Variants in NSD1 observed in about 807,000 individuals in gnomAD.
NSD1 encodes histone-lysine N-methyltransferase, H3 lysine-36 specific.
NSD1 carries 26 observed loss-of-function variants against 242.7 expected under a neutral mutation model. That is an observed-to-expected ratio of 0.11 (90% confidence interval 0.08 to 0.15). NSD1 has a LOEUF of 0.15. Ranked by LOEUF, NSD1 falls within the 10% of genes least tolerant of loss-of-function variation. The probability of loss-of-function intolerance (pLI) is 1.00; values close to 1 mark genes in which losing one functional copy is unlikely to be tolerated. For synonymous variants in NSD1, 1,106 were observed against 1,178.1 expected (o/e 0.94, Z 1.25); for missense variants, 2,495 against 3,272.8 (o/e 0.76, Z 5.80).
chr5:177,262,617 G>A (rs920336326), intron 14 of NSD1, among the ~76,000 whole-genome samples: 1 of 152,224 alleles, frequency 6.6e-6, no homozygotes, highest in Non-Finnish European at 1.5e-5. Context: ...CATGGCTCAT[G>A]CCTCTAATCC....
chr5:177,146,157 T>C (rs1757223032), intron 2 of NSD1, among the ~76,000 whole-genome samples: 1 of 151,006 alleles, frequency 6.6e-6, no homozygotes, highest in Non-Finnish European at 1.5e-5. Flanking sequence ...GCAAAAAATA[T>C]CTAATACCAC....
rs35871946 is a variant in NSD1 at position 177,165,910 on chromosome 5, C to CTT, written c.928-25958_928-25957dup. On this transcript the variant is annotated intron_variant, in intron 2 of 22. Transcript: ENST00000439151. The stretch of plus-strand genomic sequence containing the variant: ...ATGATCGCTGCTCCCAGCCCACAAT[C>CTT]TTTTTTTTTTTTTTTTTGAGATGGA... Among the ~76,000 whole-genome samples, 728 of 134,050 alleles carry CTT rather than the reference C, an allele frequency of 5.4e-3. 13 individuals are homozygous for CTT. Among genetic ancestry groups the CTT allele is most frequent in the African/African-American group, 0.017 (595 of 35,030 alleles). 87.9% of individuals were successfully genotyped at this position (134,050 alleles called of 152,430 possible).
rs1364367665 is a variant in NSD1, at chr5:177,297,388, A to G, written c.*1929A>G. 1 of 229,528 alleles carries G rather than the reference A, an allele frequency of 4.4e-6. No individual in the cohort carries two copies. The highest frequency in any genetic ancestry group is 8.6e-6 in the Non-Finnish European group (1 of 115,882). The allele number at this position is 229,528 out of a possible 1,614,324, so 14.2% of individuals were successfully genotyped here. A position where few individuals can be genotyped will look rare whatever the true frequency, so the allele number is the denominator to read the frequency against. ...AACCATGAAAAAGATATTTTTAAAG[A>G]AATTCACCGAGAACATTAAAGTTCA... On this transcript the variant is annotated 3_prime_UTR_variant, in exon 23 of 23. Transcript: ENST00000439151.
chr5:177,198,288 C>T (rs1240064130), intron 3 of NSD1, among the ~76,000 whole-genome samples: 3 of 152,106 alleles, frequency 2.0e-5, no homozygotes, highest in Non-Finnish European at 4.4e-5. Flanking sequence ...GGCCTCCCAA[C>T]GTGCTGAGAT....
intron 7 of NSD1, among the ~76,000 whole-genome samples, 185 bp from the exon 8 acceptor site, chr5:177,239,571 A>G (rs1022711335): frequency 3.6e-4 from 55 of 152,210 alleles, no homozygotes; most frequent in African/African-American, 1.3e-3. Flanking sequence ...TTGCATTGAA[A>G]ACTGTTTACT....
At position 177,299,979 on chromosome 5, in the gene NSD1, T is replaced by TTGGCAAAAA. The variant is rs997351689; in HGVS notation, c.*4520_*4521insTGGCAAAAA. 1.3e-5 allele frequency: 3 copies of TTGGCAAAAA among 231,206 alleles called. No individual in the cohort carries two copies. The highest frequency in any genetic ancestry group is 6.7e-5 in the African/African-American group (3 of 44,622). The allele number at this position is 231,206 out of a possible 1,614,324, so 14.3% of individuals were successfully genotyped here. A position where few individuals can be genotyped will look rare whatever the true frequency, so the allele number is the denominator to read the frequency against. On this transcript the variant is annotated 3_prime_UTR_variant, in exon 23 of 23. Transcript: ENST00000439151. ...CCTAGGTCTTGGCAAAGAGGCAAGC[T>TTGGCAAAAA]GACGATAGACATCTACCTATATTGT...
chr5:177,201,524 C>T (rs1327982246), intron 3 of NSD1, among the ~76,000 whole-genome samples: 2 of 148,804 alleles, frequency 1.3e-5, no homozygotes, highest in South Asian at 2.1e-4. Context: ...TTTGAGGGTT[C>T]TGTGCCCTCA....
intron 5 of NSD1, among the ~76,000 whole-genome samples, chr5:177,223,904 T>C (rs1340865307): frequency 1.3e-5 from 2 of 152,154 alleles, no homozygotes; most frequent in East Asian, 3.9e-4. Flanking sequence ...GAGAATCGCC[T>C]GAACCTGGGA....
At position 177,269,837 on chromosome 5, in the gene NSD1, A is replaced by G; in HGVS notation, c.5509+30A>G. ...CTTTATCCTTTTTGTTTCTCAGGCA[A>G]ACACAGACCTCTGTTACCTGAGTGT... On this transcript the variant is annotated intron_variant, in intron 16 of 22. Coordinates refer to ENST00000439151, the MANE Select transcript of NSD1 (RefSeq NM_022455.5). The surrounding 1 kb of genome is among the most constrained non-coding windows in gnomAD (Gnocchi z 5.1). 3 of 1,574,760 alleles carry G rather than the reference A, an allele frequency of 1.9e-6. No homozygotes were observed. The highest frequency in any genetic ancestry group is 1.7e-5 in the Admixed American group (1 of 58,392).
upstream of NSD1, chr5:177,133,266 GGACT>G (rs907630773): frequency 1.8e-4 from 27 of 152,740 alleles, no homozygotes; most frequent in African/African-American, 6.5e-4. The surrounding 1 kb of genome is among the most constrained non-coding windows in gnomAD (Gnocchi z 6.2). Flanking sequence ...ATGGAGGCCG[GGACT>G]GACGCGGGCC....
At chr5:177,267,895 T>C (rs550114304) in intron 15 of NSD1, among the ~76,000 whole-genome samples, 177 bp downstream of exon 15, 30 of 152,004 alleles carry the variant, frequency 2.0e-4, no homozygotes, top group African/African-American at 7.0e-4. Flanking sequence ...TTTACAATTA[T>C]AGGAATAATA....
At chr5:177,267,299 C>A (rs1295968640) in intron 14 of NSD1, among the ~76,000 whole-genome samples, 1 of 152,124 alleles carries the variant, frequency 6.6e-6, no homozygotes, top group East Asian at 1.9e-4. Context: ...AACTCCTTAC[C>A]GCTGAGGAAA....
intron 2 of NSD1, among the ~76,000 whole-genome samples, chr5:177,146,774 C>T (rs1399750355): frequency 1.3e-5 from 2 of 151,574 alleles, no homozygotes; most frequent in South Asian, 2.1e-4. Flanking sequence ...GAGGCTGAGG[C>T]GGCTGGATCA....
At chr5:177,175,028 C>T (rs1474075334) in intron 2 of NSD1, among the ~76,000 whole-genome samples, 3 of 151,802 alleles carry the variant, frequency 2.0e-5, no homozygotes, top group Admixed American at 6.6e-5. Flanking sequence ...CCCGCCACCA[C>T]GCCCGGCTAA....
At chr5:177,260,747 T>C (rs1329221449) in intron 14 of NSD1, among the ~76,000 whole-genome samples, 1 of 151,982 alleles carries the variant, frequency 6.6e-6, no homozygotes, top group Non-Finnish European at 1.5e-5. Flanking sequence ...TGATAAACAA[T>C]TGAAGCAGTA....
chr5:177,165,279 C>A (rs1759093194), intron 2 of NSD1, among the ~76,000 whole-genome samples: 1 of 151,894 alleles, frequency 6.6e-6, no homozygotes, highest in African/African-American at 2.4e-5. Context: ...TCAAGTGATT[C>A]TTCTGCCTCA....
At chr5:177,251,990 C>T in intron 12 of NSD1, 137 bp downstream of exon 12, 4 of 1,060,100 alleles carry the variant, frequency 3.8e-6, no homozygotes, top group Non-Finnish European at 5.7e-6. Flanking sequence ...GCTGTGGGGT[C>T]ACTGCTTTCA....
At chr5:177,262,180 T>G (rs555436674) in intron 14 of NSD1, among the ~76,000 whole-genome samples, 3 of 152,238 alleles carry the variant, frequency 2.0e-5, no homozygotes, top group African/African-American at 7.2e-5. Context: ...TAGGGCTGAC[T>G]TTTTCTGCAG....
At chr5:177,182,537 T>C (rs1760776546) in intron 2 of NSD1, among the ~76,000 whole-genome samples, 2 of 152,180 alleles carry the variant, frequency 1.3e-5, no homozygotes, top group Admixed American at 6.5e-5. Context: ...AGTGATTGTT[T>C]TGCCTAGAAC....
Sources: allele counts gnomAD v4.1 joint callset (sites outside exome capture counted in the v4.1 genomes callset), GRCh38; gene constraint gnomAD v4.1.1; non-coding constraint Gnocchi (gnomAD v3.1); transcripts MANE v1.5; gene names NCBI Gene and HGNC (gene_info 2026-07-23, HGNC 2026-07-21).